VSTM2B: variants seen among roughly 807,000 people sequenced by gnomAD.
VSTM2B encodes the protein V-set and transmembrane domain containing 2B.
In VSTM2B, 24 loss-of-function variants were observed where a neutral mutation model predicts 24.0. That is an observed-to-expected ratio of 1.00 (90% CI 0.72 to 1.40). The LOEUF (loss-of-function observed/expected upper bound fraction) is 1.40. VSTM2B is among the 40% of genes most tolerant of loss of function. The pLI is 0.00. For synonymous variants in VSTM2B, 226 were observed against 194.4 expected (o/e 1.16, Z -1.35); for missense variants, 399 against 416.4 (o/e 0.96, Z 0.36).
At chr19:29,551,497 T>C (rs1947544859) in intron 4 of VSTM2B, among the ~76,000 whole-genome samples, 1 of 152,144 alleles carries the variant, frequency 6.6e-6, no homozygotes, top group East Asian at 1.9e-4. Context: ...CCCGTTGTGT[T>C]CTTTGAGGGT....
intron 4 of VSTM2B, among the ~76,000 whole-genome samples, chr19:29,534,730 G>A (rs796730817): frequency 7.0e-6 from 1 of 142,300 alleles, no homozygotes. Flanking sequence ...AAAAAAAAAA[G>A]AAAGAAAGAA....
At chr19:29,535,854 C>G (rs540815561) in intron 4 of VSTM2B, among the ~76,000 whole-genome samples, 3 of 152,074 alleles carry the variant, frequency 2.0e-5, no homozygotes, top group Non-Finnish European at 4.4e-5. Flanking sequence ...CCCATCTCCC[C>G]GGACCCACGA....
chr19:29,531,012 A>T (rs1969744875), intron 4 of VSTM2B, among the ~76,000 whole-genome samples: 1 of 141,942 alleles, frequency 7.0e-6, no homozygotes, highest in Non-Finnish European at 1.5e-5. Context: ...GGGGGGCGGG[A>T]TGTGAGAAGG....
At chr19:29,527,438 G>T (rs1231457039) in intron 2 of VSTM2B, 43 bp downstream of exon 2, 3 of 1,414,394 alleles carry the variant, frequency 2.1e-6, no homozygotes, top group Admixed American at 3.2e-5. Flanking sequence ...CCCGGCTCGC[G>T]CCCGGGGCGG....
Position 29,526,906 on chromosome 19 carries a change from G to A in VSTM2B, c.82+241G>A, listed in dbSNP as rs1969586365. On this transcript the variant is annotated intron_variant, in intron 1 of 4. Transcript: ENST00000335523. This position sits in a 1 kb window ranked among gnomAD's most constrained non-coding sequence, Gnocchi z 4.1. Reference sequence around the variant, plus strand: ...CCGGCTGCGGAAAGGATGCCTGCGGGGAGCGGGAGTAGGCGCGCCCCAGCC... The same window carrying A: ...CCGGCTGCGGAAAGGATGCCTGCGGAGAGCGGGAGTAGGCGCGCCCCAGCC... 2.1e-6 allele frequency: 1 copy of A among 486,878 alleles called. No homozygotes were observed. The highest frequency in any genetic ancestry group is 3.6e-6 in the Non-Finnish European group (1 of 280,558). 30.2% of individuals were successfully genotyped at this position (486,878 alleles called of 1,614,324 possible). A position where few individuals can be genotyped will look rare whatever the true frequency, so the allele number is the denominator to read the frequency against.
At chr19:29,527,101 G>A in intron 1 of VSTM2B, 110 bp from the exon 2 acceptor site, 1 of 973,528 alleles carries the variant, frequency 1.0e-6, no homozygotes, top group Non-Finnish European at 1.5e-6. Flanking sequence ...GAGCAGCTGC[G>A]GGGTGGGGGG....
chr19:29,562,443 G>A (rs539930106), intron 4 of VSTM2B, among the ~76,000 whole-genome samples: 25 of 152,268 alleles, frequency 1.6e-4, no homozygotes, highest in African/African-American at 3.9e-4. Context: ...GAAAGCAGCC[G>A]AGCCCTCTGC....
At chr19:29,557,699 C>CA (rs201120442) in intron 4 of VSTM2B, among the ~76,000 whole-genome samples, 2,372 of 98,390 alleles carry the variant, frequency 0.024, 35 homozygotes, top group African/African-American at 0.066. Flanking sequence ...AACTCCATCT[C>CA]AAAAAAAAAA....
At chr19:29,530,624 G>C (rs1969733352) in intron 4 of VSTM2B, among the ~76,000 whole-genome samples, 1 of 152,166 alleles carries the variant, frequency 6.6e-6, no homozygotes, top group South Asian at 2.1e-4. Flanking sequence ...GCTGAGCTCC[G>C]ATGGTGGCAA....
intron 4 of VSTM2B, among the ~76,000 whole-genome samples, chr19:29,534,095 A>C (rs888665369): frequency 2.5e-4 from 38 of 152,306 alleles, no homozygotes; most frequent in African/African-American, 8.9e-4. Flanking sequence ...GTATGTACCA[A>C]GGTGTGGACA....
At position 29,527,369 on chromosome 19, in the gene VSTM2B, C is replaced by T. The variant is rs1969606691; in HGVS notation, c.241C>T (p.Leu81Phe). 2.6e-6 allele frequency: 4 copies of T among 1,542,410 alleles called. No individual in the cohort carries two copies. Residue 81 changes from leucine to phenylalanine, a missense_variant, in exon 2 of 5, where the codon CTC (leucine) becomes TTC (phenylalanine). Coordinates refer to ENST00000335523, the MANE Select transcript of VSTM2B (RefSeq NM_001146339.2). Reference protein sequence around the residue: ...PPRELLHELALSVPGARSKVT... With the variant: ...PPRELLHELAFSVPGARSKVT... ...CCGGGAGCTGCTGCACGAGCTGGCGCTCAGCGTGCCGGGCGCCCGGAGCAA... is the reference window on the plus strand; with the variant it reads ...CCGGGAGCTGCTGCACGAGCTGGCGTTCAGCGTGCCGGGCGCCCGGAGCAA...
chr19:29,546,333 T>C (rs1362482683), intron 4 of VSTM2B, among the ~76,000 whole-genome samples: 1 of 152,100 alleles, frequency 6.6e-6, no homozygotes, highest in Non-Finnish European at 1.5e-5. Context: ...TGAAAGGGCT[T>C]CCAGCTGGCT....
chr19:29,550,585 T>C (rs1054043072), intron 4 of VSTM2B, among the ~76,000 whole-genome samples: 1 of 152,134 alleles, frequency 6.6e-6, no homozygotes, highest in Non-Finnish European at 1.5e-5. Flanking sequence ...TGGAATGGCT[T>C]TGTCTGAAGA....
At position 29,531,410 on chromosome 19, in the gene VSTM2B, G is replaced by A. The variant is rs71363982; in HGVS notation, c.769+1120G>A. On this transcript the variant is annotated intron_variant, in intron 4 of 4. Coordinates refer to ENST00000335523, the MANE Select transcript of VSTM2B (RefSeq NM_001146339.2). The stretch of plus-strand genomic sequence containing the variant: ...ACCCCTACAGTGGTAGTTCTCAAAG[G>A]GTGGTCTTCCTGCAGGCTCCTGGAC... Among the ~76,000 whole-genome samples, 484 of 152,300 alleles carry A rather than the reference G, an allele frequency of 3.2e-3. 1 individual carries two copies. The highest frequency in any genetic ancestry group is 4.0e-3 in the Non-Finnish European group (272 of 68,010).
chr19:29,539,454 C>T (rs941508090), intron 4 of VSTM2B, among the ~76,000 whole-genome samples: 14 of 152,060 alleles, frequency 9.2e-5, no homozygotes, highest in African/African-American at 3.1e-4. Flanking sequence ...GTCATATAGC[C>T]AGAGAGCCTC....
intron 4 of VSTM2B, among the ~76,000 whole-genome samples, chr19:29,562,005 T>G (rs1970538717): frequency 6.6e-6 from 1 of 152,190 alleles, no homozygotes; most frequent in Non-Finnish European, 1.5e-5. Context: ...TCTGCACACC[T>G]GGAGTTTTGC....
intron 4 of VSTM2B, among the ~76,000 whole-genome samples, chr19:29,550,029 C>T (rs1219088792): frequency 6.6e-6 from 1 of 152,232 alleles, no homozygotes; most frequent in Non-Finnish European, 1.5e-5. Flanking sequence ...TCTTAGATGA[C>T]AGCAAAAGAG....
intron 4 of VSTM2B, among the ~76,000 whole-genome samples, chr19:29,559,971 G>T (rs1166118664): frequency 6.6e-6 from 1 of 152,152 alleles, no homozygotes; most frequent in Admixed American, 6.5e-5. Flanking sequence ...GCTCATTCAT[G>T]TGTCTATGAT....
rs773613213 is a variant in VSTM2B, at chr19:29,526,671, C to A, written c.82+6C>A. 3.9e-6 allele frequency: 6 copies of A among 1,527,108 alleles called. No individual in the cohort carries two copies. The African/African-American group carries it at 4.2e-5, about 11-fold the overall frequency. The allele number at this position is 1,527,108 out of a possible 1,614,324, so 94.6% of individuals were successfully genotyped here. On this transcript the variant is annotated splice_donor_region_variant and intron_variant, in intron 1 of 4. Transcript: ENST00000335523. This position sits in a 1 kb window ranked among gnomAD's most constrained non-coding sequence, Gnocchi z 4.1. ...GCTGCTCTTCGTGGCCGACGGTGAG[C>A]GCGGGAACTTTGCTGCCGCTGTGGA... is the stretch of plus-strand genomic sequence containing the variant.
Sources: gnomAD v4.1 joint callset for allele counts (sites outside exome capture counted in the v4.1 genomes callset) on GRCh38, gnomAD v4.1.1 for gene constraint, Gnocchi (gnomAD v3.1) non-coding constraint, MANE v1.5 for transcripts, NCBI Gene and HGNC (gene_info 2026-07-23, HGNC 2026-07-21) for gene names.